CELF2: variants seen among roughly 807,000 people sequenced by gnomAD.
CELF2 encodes the protein CUGBP Elav-like family member 2.
Under a neutral mutation model 62.6 loss-of-function variants are expected in CELF2, and 8 were observed. That is an observed-to-expected ratio of 0.13 (90% CI 0.07 to 0.23). The LOEUF is 0.23. Among genes scored for constraint, CELF2 ranks in the 10% least tolerant of loss-of-function variants. The pLI is 1.00. For synonymous variants in CELF2, 258 were observed against 250.0 expected (o/e 1.03, Z -0.30); for missense variants, 333 against 671.0 (o/e 0.50, Z 5.56).
At chr10:10,547,692 A>AGAGAGAGAGAGAGT in the CELF2 span, among the ~76,000 whole-genome samples, 123 of 138,106 alleles carry the variant, frequency 8.9e-4, 1 homozygote, top group African/African-American at 3.1e-3. Flanking sequence ...AGAGAGAGAG[A>AGAGAGAGAGAGAGT]GTGTGTGTGT....
chr10:10,517,364 C>T, the CELF2 span, among the ~76,000 whole-genome samples: 3 of 152,072 alleles, frequency 2.0e-5, no homozygotes, highest in Non-Finnish European at 4.4e-5. Context: ...CTCATGTTCC[C>T]CTTCCTGGTA....
At position 11,285,618 on chromosome 10, in the gene CELF2, C is replaced by T. The variant is rs539875139; in HGVS notation, c.842-2800C>T. On this transcript the variant is annotated intron_variant, in intron 8 of 12. Transcript: ENST00000633077. The surrounding 1 kb of genome is among the most constrained non-coding windows in gnomAD (Gnocchi z 4.3). ...ACATGGGCCCTAGTAAGTATCTGTA[C>T]AGTGGATTAGTTAATGATTGAGAGG... Among the ~76,000 whole-genome samples the T allele has an allele frequency of 3.9e-5, 6 of 152,232 alleles. No homozygotes were observed. In the South Asian group the frequency reaches 8.3e-4, roughly 21 times the overall value.
the CELF2 span, among the ~76,000 whole-genome samples, chr10:10,505,092 G>A: frequency 6.6e-6 from 1 of 152,010 alleles, no homozygotes; most frequent in South Asian, 2.1e-4. Context: ...TTTTTATGAT[G>A]ACTGGTTTTT....
chr10:10,800,829 A>G (rs925655537), intron 1 of CELF2, among the ~76,000 whole-genome samples: 4 of 152,120 alleles, frequency 2.6e-5, no homozygotes, highest in African/African-American at 7.2e-5. Flanking sequence ...CTTAGGATAC[A>G]TCTATTAGAA....
At chr10:10,927,812 G>T (rs2065681355) in intron 2 of CELF2, among the ~76,000 whole-genome samples, 1 of 152,114 alleles carries the variant, frequency 6.6e-6, no homozygotes, top group Admixed American at 6.5e-5. Flanking sequence ...AATGGCCTTT[G>T]AATTGGTCCT....
At chr10:11,196,831 C>A (rs970984946) in intron 2 of CELF2, among the ~76,000 whole-genome samples, 1 of 151,144 alleles carries the variant, frequency 6.6e-6, no homozygotes, top group Non-Finnish European at 1.5e-5. Context: ...GTGGCGCATG[C>A]GCTTGTAATC....
the CELF2 span, among the ~76,000 whole-genome samples, chr10:10,691,441 A>G: frequency 6.8e-6 from 1 of 147,436 alleles, no homozygotes; most frequent in Admixed American, 6.7e-5. Context: ...AGTCTTTGCT[A>G]TTGTGAATAA....
chr10:10,619,499 G>A, the CELF2 span, among the ~76,000 whole-genome samples: 1 of 152,200 alleles, frequency 6.6e-6, no homozygotes. Flanking sequence ...CAGGTTTGTT[G>A]TGTTGGCGAA....
At chr10:10,796,787 T>C, upstream of CELF2, 1 of 586,570 alleles carries the variant, frequency 1.7e-6, no homozygotes, top group Non-Finnish European at 2.2e-6. Context: ...TACTTGGAGA[T>C]TAAAAGTGTT....
intron 9 of CELF2, among the ~76,000 whole-genome samples, chr10:11,310,652 T>C (rs1453129832): frequency 6.6e-6 from 1 of 151,904 alleles, no homozygotes; most frequent in Admixed American, 6.6e-5. Context: ...TTCAAACATG[T>C]GCGAGGGATA....
chr10:10,596,316 T>G, the CELF2 span, among the ~76,000 whole-genome samples: 22 of 152,178 alleles, frequency 1.4e-4, no homozygotes, highest in African/African-American at 2.2e-4. Flanking sequence ...AATGTTCGCT[T>G]TGAAAAAGGA....
chr10:10,759,373 G>A, the CELF2 span, among the ~76,000 whole-genome samples: 2 of 138,700 alleles, frequency 1.4e-5, no homozygotes, highest in African/African-American at 2.7e-5. Context: ...ACAGTGGCGT[G>A]ATCTTGGCTC....
chr10:10,984,044 A>G (rs1011309535), intron 2 of CELF2, among the ~76,000 whole-genome samples: 6 of 152,234 alleles, frequency 3.9e-5, no homozygotes, highest in Non-Finnish European at 8.8e-5. Context: ...AAAAGATCAT[A>G]TAGAACAATA....
chr10:10,775,631 T>C, the CELF2 span, among the ~76,000 whole-genome samples: 5 of 149,590 alleles, frequency 3.3e-5, no homozygotes, highest in African/African-American at 1.2e-4. Flanking sequence ...AAAAAATATA[T>C]ATATAGGGGA....
At chr10:10,479,869 A>C in the CELF2 span, among the ~76,000 whole-genome samples, 53,470 of 152,146 alleles carry the variant, frequency 0.35, 10,054 homozygotes, top group Admixed American at 0.43. Context: ...GATTAGTCAC[A>C]ATTTAACCCT....
the CELF2 span, among the ~76,000 whole-genome samples, chr10:10,695,724 C>T: frequency 2.0e-5 from 3 of 152,116 alleles, no homozygotes; most frequent in Non-Finnish European, 2.9e-5. Flanking sequence ...TCTTTTTTCT[C>T]TAAACTTCCC....
At position 11,073,989 on chromosome 10, in the gene CELF2, A is replaced by G. The variant is rs539067804; in HGVS notation, c.74+55826A>G. Among the ~76,000 whole-genome samples the G allele has an allele frequency of 3.3e-5, 5 of 152,340 alleles. No individual in the cohort carries two copies. The South Asian group carries it at 1.0e-3, about 32-fold the overall frequency. ...CTTTGAATTTGAAAACCTACCTTAG[A>G]TAAGTGATTTCTAGCCTCCGTGCCA... On this transcript the variant is annotated intron_variant, in intron 1 of 12. Transcript: ENST00000633077.
At chr10:10,702,834 T>C in the CELF2 span, among the ~76,000 whole-genome samples, 1 of 152,242 alleles carries the variant, frequency 6.6e-6, no homozygotes, top group East Asian at 1.9e-4. Context: ...TTCACCCACC[T>C]AGGCCTCCCA....
chr10:11,049,926 C>A lies in CELF2; in HGVS notation c.74+31763C>A, dbSNP rs556691354. 2.6e-5 allele frequency among the ~76,000 whole-genome samples: 4 copies of A among 152,332 alleles called. No homozygotes were observed. In the South Asian group the frequency reaches 8.3e-4, roughly 32 times the overall value. Reference sequence around the variant, plus strand: ...AGTGTCCTTCGGGGACCCCGTTGCCCGTGTGCATGCTCAGGGGCACCATAA... The same window carrying A: ...AGTGTCCTTCGGGGACCCCGTTGCCAGTGTGCATGCTCAGGGGCACCATAA... On this transcript the variant is annotated intron_variant, in intron 1 of 12. Transcript: ENST00000633077.
Sources: gnomAD v4.1 joint callset for allele counts (sites outside exome capture counted in the v4.1 genomes callset) on GRCh38, gnomAD v4.1.1 for gene constraint, Gnocchi (gnomAD v3.1) non-coding constraint, MANE v1.5 for transcripts, NCBI Gene and HGNC (gene_info 2026-07-23, HGNC 2026-07-21) for gene names.